UXS1: variants seen among roughly 807,000 people sequenced by gnomAD.
The protein encoded by UXS1 is UDP-glucuronate decarboxylase 1, also known as UDP-glucuronic acid decarboxylase 1.
UXS1 carries 33 observed loss-of-function variants against 62.6 expected under a neutral mutation model. The observed-to-expected ratio is 0.53, with a 90% CI of 0.40 to 0.70. The LOEUF is 0.70. Ranked by LOEUF, UXS1 falls within the 30% of genes least tolerant of loss-of-function variation. UXS1 has a pLI of 0.00. For synonymous variants in UXS1, 213 were observed against 206.8 expected (o/e 1.03, Z -0.26); for missense variants, 434 against 556.3 (o/e 0.78, Z 2.21).
chr2:106,166,323 CAA>C, intron 1 of UXS1: 1 of 438,224 alleles, frequency 2.3e-6, no homozygotes, highest in Non-Finnish European at 4.1e-6. Flanking sequence ...AACATCAATT[CAA>C]GTTGCCCTGA....
intron 5 of UXS1, among the ~76,000 whole-genome samples, chr2:106,145,803 CA>C (rs1681512844): frequency 6.6e-6 from 1 of 151,174 alleles, no homozygotes; most frequent in Non-Finnish European, 1.5e-5. Context: ...GGTGAACTAC[CA>C]AGAAAAAAAA....
At chr2:106,109,996 G>A (rs904978639) in intron 10 of UXS1, among the ~76,000 whole-genome samples, 1 of 152,206 alleles carries the variant, frequency 6.6e-6, no homozygotes, top group Non-Finnish European at 1.5e-5. Flanking sequence ...AAGACAGGCT[G>A]GCTCAGGCAG....
chr2:106,142,580 T>C (rs928470619), intron 6 of UXS1, among the ~76,000 whole-genome samples: 2 of 152,216 alleles, frequency 1.3e-5, no homozygotes, highest in African/African-American at 4.8e-5. Flanking sequence ...TGGCTGAGAA[T>C]ATGATCAGTC....
chr2:106,145,490 G>T, intron 5 of UXS1, 120 bp from the exon 6 acceptor site: 1 of 1,270,722 alleles, frequency 7.9e-7, no homozygotes, highest in Non-Finnish European at 1.1e-6. Flanking sequence ...GGAGCAAGGC[G>T]GGGAAGGAAG....
intron 6 of UXS1, among the ~76,000 whole-genome samples, chr2:106,139,908 TTC>T (rs1384921168): frequency 6.6e-6 from 1 of 152,252 alleles, no homozygotes; most frequent in Non-Finnish European, 1.5e-5. Context: ...TACAGTAGAA[TTC>T]TCTTTTTCTA....
At chr2:106,126,418 A>C (rs2104936122) in intron 7 of UXS1, among the ~76,000 whole-genome samples, 1 of 152,018 alleles carries the variant, frequency 6.6e-6, no homozygotes, top group Non-Finnish European at 1.5e-5. Context: ...TCGCCACTAC[A>C]CTAGAGGGGG....
chr2:106,158,221 G>T, intron 4 of UXS1, 103 bp from the exon 5 acceptor site: 1 of 1,010,218 alleles, frequency 9.9e-7, no homozygotes, highest in Non-Finnish European at 1.5e-6. Context: ...GACTGTTATT[G>T]TTTGCTCTTC....
intron 1 of UXS1, among the ~76,000 whole-genome samples, chr2:106,187,659 A>G (rs907635080): frequency 3.3e-5 from 5 of 152,210 alleles, no homozygotes; most frequent in African/African-American, 4.8e-5. Flanking sequence ...TACCACAACT[A>G]AAATGTCACT....
chr2:106,174,872 C>A (rs1040953172), intron 1 of UXS1, among the ~76,000 whole-genome samples: 1 of 152,204 alleles, frequency 6.6e-6, no homozygotes, highest in Non-Finnish European at 1.5e-5. Context: ...ATCCCTGGGC[C>A]ACCCTTCCAA....
At chr2:106,163,561 G>C in intron 4 of UXS1, 106 bp downstream of exon 4, 1 of 726,284 alleles carries the variant, frequency 1.4e-6, no homozygotes. Context: ...TGCGTATACA[G>C]ACATTTATTT....
At chr2:106,151,094 C>A (rs765560119) in intron 5 of UXS1, among the ~76,000 whole-genome samples, 8 of 152,162 alleles carry the variant, frequency 5.3e-5, no homozygotes, top group Non-Finnish European at 1.5e-5. Context: ...AAGTAGATAA[C>A]TTGTTTTGAT....
At chr2:106,144,986 G>A (rs1302314881) in intron 6 of UXS1, among the ~76,000 whole-genome samples, 1 of 152,164 alleles carries the variant, frequency 6.6e-6, no homozygotes. Context: ...CCACGTAGGA[G>A]AGAAGACGGC....
intron 1 of UXS1, among the ~76,000 whole-genome samples, chr2:106,187,688 C>G (rs191245209): frequency 3.3e-5 from 5 of 151,740 alleles, no homozygotes; most frequent in African/African-American, 4.8e-5. Context: ...ATCCACAATA[C>G]ACCAAAAATT....
chr2:106,179,141 T>C (rs1484393470), intron 1 of UXS1, among the ~76,000 whole-genome samples: 1 of 152,216 alleles, frequency 6.6e-6, no homozygotes, highest in East Asian at 1.9e-4. Flanking sequence ...CAGGCACAGG[T>C]GAGGCACCCT....
intron 10 of UXS1, among the ~76,000 whole-genome samples, chr2:106,109,628 AC>A (rs1678414601): frequency 6.6e-6 from 1 of 152,152 alleles, no homozygotes; most frequent in Admixed American, 6.5e-5. Context: ...CCTGAACCAT[AC>A]TCATCTATTT....
At chr2:106,138,735 G>A in intron 6 of UXS1, 3 of 985,436 alleles carry the variant, frequency 3.0e-6, no homozygotes, top group Non-Finnish European at 3.6e-6. Flanking sequence ...AGACTGTCGA[G>A]ACGTTCAGTT....
chr2:106,110,896 A>C (rs1678536014), intron 10 of UXS1, among the ~76,000 whole-genome samples: 1 of 152,222 alleles, frequency 6.6e-6, no homozygotes, highest in Non-Finnish European at 1.5e-5. Context: ...AATGCAGAGA[A>C]GCATCAAGAA....
At chr2:106,130,957 C>G (rs913510224) in intron 6 of UXS1, among the ~76,000 whole-genome samples, 13 of 152,086 alleles carry the variant, frequency 8.5e-5, no homozygotes, top group Non-Finnish European at 1.8e-4. Context: ...GTGAGCGACG[C>G]AGAAGACGGG....
chr2:106,194,243 C>T lies in UXS1; in HGVS notation c.-2G>A. On this transcript the variant is annotated 5_prime_UTR_variant, in exon 1 of 15. Coordinates refer to ENST00000283148, the MANE Select transcript of UXS1 (RefSeq NM_001253875.2). ...GCGCAGCAGCGCCTTGCTCACCATC[C>T]CCGGGAGCCGCGCGGGTCCAGGGCC... 1.4e-6 allele frequency: 2 copies of T among 1,432,614 alleles called. No homozygotes were observed. Among genetic ancestry groups the T allele is most frequent in the African/African-American group, 1.5e-5 (1 of 67,162 alleles). The allele number at this position is 1,432,614 out of a possible 1,614,324, so 88.7% of individuals were successfully genotyped here.
Sources: gnomAD v4.1 joint callset for allele counts (sites outside exome capture counted in the v4.1 genomes callset) on GRCh38, gnomAD v4.1.1 for gene constraint, MANE v1.5 for transcripts, NCBI Gene and HGNC (gene_info 2026-07-23, HGNC 2026-07-21) for gene names.